CFAP20DC: variants seen among roughly 807,000 people sequenced by gnomAD.
CFAP20DC encodes protein CFAP20DC.
A neutral mutation model predicts 101.7 loss-of-function variants in CFAP20DC; 84 were observed. The ratio of observed to expected loss-of-function variants is 0.83; its 90% confidence interval spans 0.69 to 0.99. The LOEUF (loss-of-function observed/expected upper bound fraction) is 0.99. Among genes scored for constraint, CFAP20DC ranks in the 50% least tolerant of loss-of-function variants. The probability of loss-of-function intolerance (pLI) is 0.00; values close to 1 mark genes in which losing one functional copy is unlikely to be tolerated. For synonymous variants in CFAP20DC, 359 were observed against 351.2 expected (o/e 1.02, Z -0.25); for missense variants, 1,007 against 970.3 (o/e 1.04, Z -0.50).
intron 6 of CFAP20DC, among the ~76,000 whole-genome samples, chr3:58,907,144 T>A (rs2083680331): frequency 6.6e-6 from 1 of 152,056 alleles, no homozygotes; most frequent in Admixed American, 6.6e-5. Context: ...TGTGTAAATG[T>A]CCTTTCATTT....
chr3:58,776,869 T>C (rs2071383952), intron 15 of CFAP20DC, among the ~76,000 whole-genome samples: 1 of 151,876 alleles, frequency 6.6e-6, no homozygotes, highest in South Asian at 2.1e-4. Context: ...AGACAGTCCC[T>C]TCACCATTTG....
At chr3:58,773,587 C>A (rs553069735) in intron 15 of CFAP20DC, among the ~76,000 whole-genome samples, 1 of 151,782 alleles carries the variant, frequency 6.6e-6, no homozygotes, top group Non-Finnish European at 1.5e-5. Flanking sequence ...AAAGTAAACG[C>A]CAATGATGAA....
In CFAP20DC at chr3:58,890,602, C is replaced by T. The variant is rs1333266744; in HGVS notation, c.551-5893G>A. Among the ~76,000 whole-genome samples, 201 of 151,570 alleles carry T rather than the reference C, an allele frequency of 1.3e-3. 1 individual carries two copies. Among genetic ancestry groups the T allele is most frequent in the Non-Finnish European group, 5.0e-4 (34 of 67,814 alleles). ...CCTCCCTCCCGGACGGGGTGGCTGC[C>T]GGGCGGAGACGCTCCTCACTTCCCA... On this transcript the variant is annotated intron_variant, in intron 6 of 16. Transcript: ENST00000482387.
intron 4 of CFAP20DC, among the ~76,000 whole-genome samples, chr3:58,950,394 G>T (rs1430624041): frequency 2.0e-5 from 3 of 152,092 alleles, no homozygotes; most frequent in Non-Finnish European, 4.4e-5. Flanking sequence ...TTTCTTCACA[G>T]AATTGGAAAA....
chr3:58,754,629 C>T (rs1187839113), intron 15 of CFAP20DC, among the ~76,000 whole-genome samples: 2 of 152,058 alleles, frequency 1.3e-5, no homozygotes, highest in Admixed American at 6.6e-5. Context: ...TATTAGTGCC[C>T]GTTATCATTT....
At chr3:59,033,141 G>A (rs777014964) in intron 4 of CFAP20DC, among the ~76,000 whole-genome samples, 37 of 152,244 alleles carry the variant, frequency 2.4e-4, no homozygotes, top group African/African-American at 8.4e-4. Flanking sequence ...CAAGCAGAAA[G>A]GAATAGTATC....
rs2106978242 is a variant in CFAP20DC, at chr3:58,897,271, T to C, written c.551-12562A>G. 6.6e-6 allele frequency among the ~76,000 whole-genome samples: 1 copy of C among 152,360 alleles called. No individual in the cohort carries two copies. ...CATTCCTTTATTTTAAGCCTATGTGTGTGTCTTTGCACATGAGATGGCAGC... is the reference window on the plus strand; with the variant it reads ...CATTCCTTTATTTTAAGCCTATGTGCGTGTCTTTGCACATGAGATGGCAGC... On this transcript the variant is annotated intron_variant, in intron 6 of 16. Coordinates refer to ENST00000482387, the MANE Select transcript of CFAP20DC (RefSeq NM_001394063.1). This position sits in a 1 kb window ranked among gnomAD's most constrained non-coding sequence, Gnocchi z 4.4.
chr3:58,860,962 C>A (rs190651872), intron 12 of CFAP20DC, among the ~76,000 whole-genome samples: 3 of 151,908 alleles, frequency 2.0e-5, no homozygotes, highest in Non-Finnish European at 2.9e-5. Context: ...TGGCTGCCTA[C>A]GGAATAAAAT....
In CFAP20DC at chr3:58,849,889, C is replaced by T. The variant is rs539821975; in HGVS notation, c.1594-480G>A. The stretch of plus-strand genomic sequence containing the variant: ...AAGTGGGTCTAGGGAAGCATTTTTA[C>T]CTTATTGTAGGGCAGTTTTGTTTTT... On this transcript the variant is annotated intron_variant, in intron 12 of 16. Transcript: ENST00000482387. Among the ~76,000 whole-genome samples, 4 of 152,206 alleles carry T rather than the reference C, an allele frequency of 2.6e-5. No individual in the cohort carries two copies. In the East Asian group the frequency reaches 7.7e-4, roughly 29 times the overall value.
chr3:58,931,201 T>G (rs757409220), intron 5 of CFAP20DC, among the ~76,000 whole-genome samples: 2 of 151,842 alleles, frequency 1.3e-5, no homozygotes, highest in African/African-American at 2.4e-5. Flanking sequence ...AACTGCAAGG[T>G]GGAAGCGAGG....
At chr3:58,807,889 G>A (rs1477151638) in intron 14 of CFAP20DC, among the ~76,000 whole-genome samples, 5 of 152,296 alleles carry the variant, frequency 3.3e-5, no homozygotes, top group East Asian at 1.9e-4. Flanking sequence ...GGAGCTGAAA[G>A]CCAAGGCTCG....
rs564895639 is a variant in CFAP20DC at position 58,934,082 on chromosome 3, A to T, written c.393+3566T>A. ...CAAATAGGTGGAATAAAAAATGATA[A>T]AGGGGATATCACCATCGATCCCACA... On this transcript the variant is annotated intron_variant, in intron 5 of 16. Coordinates refer to ENST00000482387, the MANE Select transcript of CFAP20DC (RefSeq NM_001394063.1). 2.0e-3 allele frequency among the ~76,000 whole-genome samples: 312 copies of T among 152,350 alleles called. 2 individuals are homozygous for T. The highest frequency in any genetic ancestry group is 7.3e-3 in the African/African-American group (305 of 41,568).
chr3:59,026,691 T>G (rs1259734351), intron 4 of CFAP20DC, among the ~76,000 whole-genome samples: 2 of 152,128 alleles, frequency 1.3e-5, no homozygotes, highest in Admixed American at 6.6e-5. Context: ...TTTACTTAGT[T>G]TAAAGTTTCA....
intron 15 of CFAP20DC, among the ~76,000 whole-genome samples, chr3:58,767,090 A>G (rs2070389830): frequency 6.6e-6 from 1 of 152,224 alleles, no homozygotes; most frequent in South Asian, 2.1e-4. Context: ...CCTGGCACAC[A>G]GTAGCTGCTC....
At chr3:58,832,984 T>C (rs2076498870) in intron 13 of CFAP20DC, among the ~76,000 whole-genome samples, 1 of 152,232 alleles carries the variant, frequency 6.6e-6, no homozygotes, top group African/African-American at 2.4e-5. Flanking sequence ...AGGATTTTTT[T>C]CCAAGACACC....
Position 58,849,181 on chromosome 3 carries a change from T to A in CFAP20DC, c.1822A>T (p.Thr608Ser), listed in dbSNP as rs1185397549. Reference sequence around the variant, plus strand: ...TGACAGGACCCACACCTTCTTCCAGTTGGAGAAAGGCATGTTGTAGGCAAC... The same window carrying A: ...TGACAGGACCCACACCTTCTTCCAGATGGAGAAAGGCATGTTGTAGGCAAC... ...SLLPTTCLSP[T>S]GRRCGSCQKT... The change falls in exon 13 of 17, where the codon ACT (threonine) becomes TCT (serine). Residue 608 changes from threonine to serine, a missense_variant. Physicochemically the swap from Thr to Ser is moderately conservative, Grantham distance 58 (BLOSUM62 1). Transcript: ENST00000482387. 15 of 1,536,000 alleles carry A rather than the reference T, an allele frequency of 9.8e-6. No homozygotes were observed. Among genetic ancestry groups the A allele is most frequent in the Non-Finnish European group, 1.3e-5 (15 of 1,146,912 alleles).
chr3:58,878,921 C>T (rs1422851281), intron 7 of CFAP20DC, among the ~76,000 whole-genome samples: 2 of 151,582 alleles, frequency 1.3e-5, no homozygotes, highest in Non-Finnish European at 2.9e-5. Flanking sequence ...GGCGGGAGAA[C>T]GGCGTGAACC....
At chr3:58,941,755 C>T (rs1007892943) in intron 4 of CFAP20DC, among the ~76,000 whole-genome samples, 4 of 151,828 alleles carry the variant, frequency 2.6e-5, no homozygotes, top group Admixed American at 6.6e-5. Flanking sequence ...TTTTTAGTAG[C>T]GATGGGGTTT....
At chr3:58,925,861 T>C (rs1426956495) in intron 5 of CFAP20DC, among the ~76,000 whole-genome samples, 2 of 152,180 alleles carry the variant, frequency 1.3e-5, no homozygotes, top group Non-Finnish European at 2.9e-5. Flanking sequence ...CTTAACAGCA[T>C]TCTGCCAATT....
Sources: gnomAD v4.1 joint callset for allele counts (sites outside exome capture counted in the v4.1 genomes callset) on GRCh38, gnomAD v4.1.1 for gene constraint, Gnocchi (gnomAD v3.1) non-coding constraint, MANE v1.5 for transcripts, NCBI Gene and HGNC (gene_info 2026-07-23, HGNC 2026-07-21) for gene names.